Variants in RAB3B observed in about 807,000 individuals in gnomAD.
RAB3B encodes the protein RAB3B, member RAS oncogene family, also known as ras-related protein Rab-3B.
A neutral mutation model predicts 20.5 loss-of-function variants in RAB3B; 11 were observed. That is an observed-to-expected ratio of 0.54 (90% CI 0.34 to 0.89). RAB3B has a LOEUF of 0.89. Among genes scored for constraint, RAB3B ranks in the 40% least tolerant of loss-of-function variants. The probability of loss-of-function intolerance (pLI) is 0.02; values close to 1 mark genes in which losing one functional copy is unlikely to be tolerated. For missense variants in RAB3B, 225 were observed against 280.9 expected (o/e 0.80, Z 1.42); for synonymous variants, 99 against 106.3 (o/e 0.93, Z 0.42).
chr1:51,939,734 C>T (rs977153733), intron 2 of RAB3B, among the ~76,000 whole-genome samples: 14 of 152,202 alleles, frequency 9.2e-5, no homozygotes, highest in African/African-American at 3.1e-4. Flanking sequence ...GCCACCATGC[C>T]TGGCTAATTT....
intron 3 of RAB3B, among the ~76,000 whole-genome samples, chr1:51,933,699 G>C (rs1481731106): frequency 6.6e-6 from 1 of 152,106 alleles, no homozygotes; most frequent in Admixed American, 6.5e-5. Flanking sequence ...CCAGATACTG[G>C]AGCTGCTGGC....
chr1:51,970,366 G>A (rs2783197), intron 2 of RAB3B, among the ~76,000 whole-genome samples: 31,706 of 151,918 alleles, frequency 0.21, 4,462 homozygotes, highest in Non-Finnish European at 0.31. Context: ...GCATGCTCTC[G>A]CTCCCTAATA....
At chr1:51,950,114 C>A (rs1257809662) in intron 2 of RAB3B, among the ~76,000 whole-genome samples, 1 of 152,112 alleles carries the variant, frequency 6.6e-6, no homozygotes, top group Non-Finnish European at 1.5e-5. Flanking sequence ...CTGGAAAAGG[C>A]AACATTTAAT....
chr1:51,977,378 G>A (rs1685025232), intron 1 of RAB3B, among the ~76,000 whole-genome samples: 1 of 152,182 alleles, frequency 6.6e-6, no homozygotes, highest in African/African-American at 2.4e-5. Flanking sequence ...CCTGTGCTGG[G>A]CATGGGGCTT....
chr1:51,912,554 A>AAAATATATAT lies in RAB3B; in HGVS notation c.*7372_*7373insATATATATTT, dbSNP rs1491223921. The AAAATATATAT allele has an allele frequency of 1.1e-3, 17 of 15,498 alleles. No homozygotes were observed. The highest frequency in any genetic ancestry group is 3.0e-3 in the South Asian group (1 of 334). The allele number at this position is 15,498 out of a possible 1,614,324, so 1.0% of individuals were successfully genotyped here. ...AGACCGTCTCTATTAAAAAAAAAAA[A>AAAATATATAT]ATATATATATATATATATATATATA... On this transcript the variant is annotated 3_prime_UTR_variant, in exon 5 of 5. Coordinates refer to ENST00000371655, the MANE Select transcript of RAB3B (RefSeq NM_002867.4).
chr1:51,965,022 C>T (rs1445919528), intron 2 of RAB3B, among the ~76,000 whole-genome samples: 1 of 152,072 alleles, frequency 6.6e-6, no homozygotes, highest in African/African-American at 2.4e-5. Context: ...TTACTTAAGA[C>T]CAGGAGTTCA....
At chr1:51,953,722 A>G (rs1397933681) in intron 2 of RAB3B, among the ~76,000 whole-genome samples, 4 of 152,242 alleles carry the variant, frequency 2.6e-5, no homozygotes, top group Non-Finnish European at 4.4e-5. Flanking sequence ...AATCACTTGA[A>G]GCTGGGAGGT....
intron 1 of RAB3B, among the ~76,000 whole-genome samples, chr1:51,983,685 T>A (rs114717171): frequency 5.9e-4 from 90 of 152,256 alleles, no homozygotes; most frequent in African/African-American, 2.0e-3. Context: ...TGAGGCCAGG[T>A]GCCGTGGCTC....
chr1:51,940,496 A>C (rs1011324858), intron 2 of RAB3B, among the ~76,000 whole-genome samples: 3 of 151,972 alleles, frequency 2.0e-5, no homozygotes, highest in African/African-American at 7.2e-5. Flanking sequence ...AGTGGTGTAC[A>C]CCTGTAATCC....
chr1:51,971,200 AT>A (rs1684928759), intron 2 of RAB3B, among the ~76,000 whole-genome samples: 1 of 151,904 alleles, frequency 6.6e-6, no homozygotes, highest in Admixed American at 6.6e-5. Flanking sequence ...TTAACTAGTC[AT>A]AAAAATGAAG....
chr1:51,967,521 C>CTTTTTTTTTTTTTCTTTTTTTTTTTT (rs771044746), intron 2 of RAB3B, among the ~76,000 whole-genome samples: 15 of 36,496 alleles, frequency 4.1e-4, no homozygotes, highest in African/African-American at 4.8e-4. Flanking sequence ...TTTTCTTTTT[C>CTTTTTTTTTTTTTCTTTTTTTTTTTT]TTTTTTTTTT....
At chr1:51,979,402 C>G (rs180781468) in intron 1 of RAB3B, among the ~76,000 whole-genome samples, 102 of 152,038 alleles carry the variant, frequency 6.7e-4, no homozygotes, top group African/African-American at 2.3e-3. Context: ...TCCCAAGTAG[C>G]TGGGATTACA....
chr1:51,970,349 C>T (rs1684911740), intron 2 of RAB3B, among the ~76,000 whole-genome samples: 1 of 152,130 alleles, frequency 6.6e-6, no homozygotes, highest in Admixed American at 6.5e-5. Context: ...TCTCCTCTCA[C>T]ACCTGTGCAT....
In RAB3B at chr1:51,909,659, C is replaced by T. The variant is rs190382187; in HGVS notation, c.*10268G>A. 2.0e-5 allele frequency: 3 copies of T among 152,346 alleles called. No individual in the cohort carries two copies. The East Asian group carries it at 5.8e-4, about 29-fold the overall frequency. 9.4% of individuals were successfully genotyped at this position (152,346 alleles called of 1,614,324 possible). On this transcript the variant is annotated 3_prime_UTR_variant, in exon 5 of 5. Coordinates refer to ENST00000371655, the MANE Select transcript of RAB3B (RefSeq NM_002867.4). ...CAGACCCTACTTTAACCCAGCCCAA[C>T]AAGGTCATGCTACAGAGCTGCTCAT...
At chr1:51,927,406 TA>T (rs1329673596) in intron 4 of RAB3B, among the ~76,000 whole-genome samples, 10 of 152,290 alleles carry the variant, frequency 6.6e-5, no homozygotes, top group African/African-American at 2.4e-4. Context: ...AGAAGCAGGA[TA>T]AAACTCTGAA....
intron 4 of RAB3B, 59 bp downstream of exon 4, chr1:51,933,259 C>T (rs1684350811): frequency 6.5e-7 from 1 of 1,545,618 alleles, no homozygotes; most frequent in Non-Finnish European, 8.8e-7. Context: ...CCTGTTTACC[C>T]CACTCTCATG....
At position 51,915,045 on chromosome 1, in the gene RAB3B, A is replaced by T. The variant is rs1684063165; in HGVS notation, c.*4882T>A. The T allele has an allele frequency of 6.6e-6, 1 of 152,178 alleles. No individual in the cohort carries two copies. The highest frequency in any genetic ancestry group is 1.5e-5 in the Non-Finnish European group (1 of 68,032). The allele number at this position is 152,178 out of a possible 1,614,324, so 9.4% of individuals were successfully genotyped here. ...GGAGCCTGGTACTACCAGAGGGTAT[A>T]TCCCATCTACCCTTCTGCTAAGACA... is the stretch of plus-strand genomic sequence containing the variant. On this transcript the variant is annotated 3_prime_UTR_variant, in exon 5 of 5. Coordinates refer to ENST00000371655, the MANE Select transcript of RAB3B (RefSeq NM_002867.4).
In RAB3B at chr1:51,911,414, T is replaced by C. The variant is rs1683996386; in HGVS notation, c.*8513A>G. The C allele has an allele frequency of 6.6e-6, 1 of 152,154 alleles. No homozygotes were observed. Among genetic ancestry groups the C allele is most frequent in the South Asian group, 2.1e-4 (1 of 4,816 alleles). 9.4% of individuals were successfully genotyped at this position (152,154 alleles called of 1,614,324 possible). A position where few individuals can be genotyped will look rare whatever the true frequency, so the allele number is the denominator to read the frequency against. On this transcript the variant is annotated 3_prime_UTR_variant, in exon 5 of 5. Coordinates refer to ENST00000371655, the MANE Select transcript of RAB3B (RefSeq NM_002867.4). ...TTTTTGTTTGTTTGTTTGTTTGTTT[T>C]AGAATTTCTGTGCTTTGGAGCTAGA...
chr1:51,935,399 G>A (rs775316874), intron 3 of RAB3B, among the ~76,000 whole-genome samples: 5 of 152,194 alleles, frequency 3.3e-5, no homozygotes, highest in Non-Finnish European at 7.4e-5. Flanking sequence ...GTGAGACTGA[G>A]ACCAAGTTAC....
Sources: allele counts gnomAD v4.1 joint callset (sites outside exome capture counted in the v4.1 genomes callset), GRCh38; gene constraint gnomAD v4.1.1; transcripts MANE v1.5; gene names NCBI Gene and HGNC (gene_info 2026-07-23, HGNC 2026-07-21).